KIFC3: variants seen among roughly 807,000 people sequenced by gnomAD.
The protein encoded by KIFC3 is kinesin family member C3, also known as kinesin-like protein KIFC3.
In KIFC3, 60 loss-of-function variants were observed where a neutral mutation model predicts 101.8. That is an observed-to-expected ratio of 0.59 (90% confidence interval 0.48 to 0.73). KIFC3 has a LOEUF of 0.73. Ranked by LOEUF, KIFC3 falls within the 30% of genes least tolerant of loss-of-function variation. The pLI, the probability that KIFC3 is intolerant of heterozygous loss-of-function variation, is 0.00. For missense variants in KIFC3, 966 were observed against 1,137.1 expected, an observed-to-expected ratio of 0.85 and a Z score of 2.16; for synonymous variants, 476 against 482.7, an observed-to-expected ratio of 0.99 and a Z score of 0.18.
chr16:57,818,258 T>G lies in KIFC3; in HGVS notation c.109-19976A>C, dbSNP rs74900565. Among the ~76,000 whole-genome samples the G allele has an allele frequency of 7.8e-3, 1,193 of 152,258 alleles. 9 individuals carry two copies. The highest frequency in any genetic ancestry group is 0.027 in the African/African-American group (1,118 of 41,538). ...CACCATGCCTGGTCTATTGTTACAT[T>G]TTCTTCTTGCCAACAAAACCTTGAG... On this transcript the variant is annotated intron_variant, in intron 1 of 2. Coordinates refer to the KIFC3 transcript ENST00000563028.
chr16:57,839,469 G>A (rs927278593), intron 1 of KIFC3, among the ~76,000 whole-genome samples: 1 of 152,162 alleles, frequency 6.6e-6, no homozygotes, highest in Non-Finnish European at 1.5e-5. Context: ...GGGATTGGGA[G>A]GTGGAGGCTA....
Position 57,853,781 on chromosome 16 carries a change from G to A in KIFC3, c.108+8948C>T, listed in dbSNP as rs185470101. Among the ~76,000 whole-genome samples, 11 of 152,082 alleles carry A rather than the reference G, an allele frequency of 7.2e-5. No individual in the cohort carries two copies. In the East Asian group the frequency reaches 9.7e-4, roughly 13 times the overall value. ...TGAGTAGCTGGGATTACAGGCGTGC[G>A]CCACCATACCCGGATAATTTTTTGT... On this transcript the variant is annotated intron_variant, in intron 1 of 2. Coordinates refer to the KIFC3 transcript ENST00000563028.
At chr16:57,772,384 T>G (rs1375084080) in intron 3 of KIFC3, 96 bp from the exon 4 acceptor site, 1 of 1,045,486 alleles carries the variant, frequency 9.6e-7, no homozygotes, top group Non-Finnish European at 1.5e-6. Context: ...CTGATGTGGC[T>G]GTGGCTTCTT....
chr16:57,852,923 C>CT (rs1327959336), intron 1 of KIFC3, among the ~76,000 whole-genome samples: 1 of 151,760 alleles, frequency 6.6e-6, no homozygotes, highest in Non-Finnish European at 1.5e-5. Flanking sequence ...TGTAGAATTT[C>CT]TTTTTTGTAT....
At chr16:57,792,781 G>C (rs2053978667) in intron 3 of KIFC3, among the ~76,000 whole-genome samples, 1 of 149,462 alleles carries the variant, frequency 6.7e-6, no homozygotes, top group Non-Finnish European at 1.5e-5. Flanking sequence ...CTACTCAGGA[G>C]GCTGAGGTGA....
At chr16:57,861,856 C>G (rs773774945) in intron 1 of KIFC3, among the ~76,000 whole-genome samples, 1 of 151,966 alleles carries the variant, frequency 6.6e-6, no homozygotes, top group Non-Finnish European at 1.5e-5. Context: ...GGCTGTGGCA[C>G]GAGAATCACT....
intron 1 of KIFC3, among the ~76,000 whole-genome samples, chr16:57,799,739 G>A (rs1040719169): frequency 1.3e-5 from 2 of 152,176 alleles, no homozygotes; most frequent in African/African-American, 2.4e-5. Flanking sequence ...GGCTCACTGC[G>A]GGGTGGAAAG....
chr16:57,847,206 GGAAGGAAGGAAGGAA>G (rs2055939307), intron 1 of KIFC3, among the ~76,000 whole-genome samples: 1 of 43,364 alleles, frequency 2.3e-5, no homozygotes, highest in South Asian at 9.4e-4. Flanking sequence ...AAGGAAGGAA[GGAAGGAAGGAAGGAA>G]GGAAGGAAGG....
At chr16:57,848,072 C>CT (rs2055973211) in intron 1 of KIFC3, among the ~76,000 whole-genome samples, 1 of 152,218 alleles carries the variant, frequency 6.6e-6, no homozygotes, top group Non-Finnish European at 1.5e-5. Context: ...AGGCGTGGGC[C>CT]ACCATGCTTG....
chr16:57,795,902 T>TTG (rs2054280036), intron 2 of KIFC3, among the ~76,000 whole-genome samples: 2 of 146,722 alleles, frequency 1.4e-5, no homozygotes, highest in African/African-American at 5.0e-5. Flanking sequence ...TTTTTTTTTT[T>TTG]TTTTTTTTTG....
At chr16:57,828,947 C>T (rs1305057496) in intron 1 of KIFC3, among the ~76,000 whole-genome samples, 1 of 152,158 alleles carries the variant, frequency 6.6e-6, no homozygotes, top group East Asian at 1.9e-4. Flanking sequence ...GTTGCTATAC[C>T]CATTTTACAG....
chr16:57,759,648 G>T (rs1319904095), intron 18 of KIFC3, 80 bp downstream of exon 18: 4 of 1,065,866 alleles, frequency 3.8e-6, no homozygotes, highest in Non-Finnish European at 4.1e-6. Context: ...AAAGAAAAGA[G>T]AAAGCCCATC....
At position 57,760,797 on chromosome 16, in the gene KIFC3, G is replaced by A. The variant is rs1463055869; in HGVS notation, c.2161C>T (p.Arg721Cys). ...LRSRQGHVPF[R>C]NSKLTYLLQD... ...AGCAGGTAGGTGAGCTTGGAGTTGC[G>A]GAAGGGCACGTGGCCCTGGCGGGAG... The change falls in exon 16 of 20, where the codon CGC becomes TGC. Residue 721 changes from arginine to cysteine, a missense_variant. This residue lies in a region of KIFC3 where 689 missense variants were observed against 884.6 expected (regional missense o/e 0.78). Transcript: ENST00000445690. 4 of 1,613,808 alleles carry A rather than the reference G, an allele frequency of 2.5e-6. No individual in the cohort carries two copies. The highest frequency in any genetic ancestry group is 3.4e-6 in the Non-Finnish European group (4 of 1,180,010).
chr16:57,803,033 G>A (rs782025473), upstream of KIFC3: 10 of 1,535,772 alleles, frequency 6.5e-6, no homozygotes, highest in Non-Finnish European at 1.7e-6. Flanking sequence ...TGTTTACAGC[G>A]CACACGCTCT....
chr16:57,817,670 G>A (rs1582594), intron 1 of KIFC3, among the ~76,000 whole-genome samples: 1 of 151,936 alleles, frequency 6.6e-6, no homozygotes, highest in South Asian at 2.1e-4. Context: ...TAAGGCCTAC[G>A]CTAATCCAGT....
At chr16:57,832,299 C>T (rs567000643) in intron 1 of KIFC3, among the ~76,000 whole-genome samples, 1 of 147,012 alleles carries the variant, frequency 6.8e-6, no homozygotes, top group Non-Finnish European at 1.5e-5. Flanking sequence ...GGGATTACAG[C>T]CATGAGCCAC....
At chr16:57,766,523 G>A (rs2050506398) in intron 10 of KIFC3, among the ~76,000 whole-genome samples, 1 of 152,164 alleles carries the variant, frequency 6.6e-6, no homozygotes, top group Non-Finnish European at 1.5e-5. Flanking sequence ...AGTGAATGGT[G>A]GAGTCTCAAG....
intron 1 of KIFC3, among the ~76,000 whole-genome samples, chr16:57,800,885 G>C (rs1401081099): frequency 1.3e-5 from 2 of 152,136 alleles, no homozygotes; most frequent in Non-Finnish European, 2.9e-5. Flanking sequence ...TACCAACCTA[G>C]GATTCGTGGG....
At chr16:57,809,796 C>T (rs189478207) in intron 1 of KIFC3, among the ~76,000 whole-genome samples, 113 of 152,254 alleles carry the variant, frequency 7.4e-4, no homozygotes, top group Admixed American at 3.9e-3. Flanking sequence ...CTACTTTTCA[C>T]GCTAATTTAC....
Sources: gnomAD v4.1 joint callset for allele counts (sites outside exome capture counted in the v4.1 genomes callset) on GRCh38, gnomAD v4.1.1 for gene constraint, gnomAD v4.1.1 regional missense constraint, MANE v1.5 for transcripts, NCBI Gene and HGNC (gene_info 2026-07-23, HGNC 2026-07-21) for gene names.